The following SYT9 variants were observed in gnomAD, a reference collection of about 807,000 sequenced individuals.
SYT9 encodes the protein synaptotagmin 9.
A neutral mutation model predicts 48.4 loss-of-function variants in SYT9; 22 were observed. The ratio of observed to expected loss-of-function variants is 0.45; its 90% CI spans 0.32 to 0.65. The LOEUF is 0.65. SYT9 is among the 30% of genes least tolerant of loss of function. SYT9 has a pLI of 0.03. For missense variants in SYT9, 577 were observed against 622.0 expected (o/e 0.93, Z 0.77); for synonymous variants, 265 against 245.0 (o/e 1.08, Z -0.76).
At chr11:7,355,164 C>G (rs1280210548) in intron 3 of SYT9, among the ~76,000 whole-genome samples, 2 of 152,196 alleles carry the variant, frequency 1.3e-5, no homozygotes, top group Non-Finnish European at 2.9e-5. Context: ...CTGAAAAAGG[C>G]AGAATGCTCT....
At chr11:7,324,768 T>A (rs780683257) in intron 3 of SYT9, among the ~76,000 whole-genome samples, 3 of 151,996 alleles carry the variant, frequency 2.0e-5, no homozygotes, top group Non-Finnish European at 2.9e-5. Context: ...TTATAGATTA[T>A]TTGATATCTG....
chr11:7,398,984 C>G (rs1846821226), intron 3 of SYT9, among the ~76,000 whole-genome samples: 1 of 152,098 alleles, frequency 6.6e-6, no homozygotes, highest in South Asian at 2.1e-4. Flanking sequence ...CCATGATGCT[C>G]CATATAGGGC....
At chr11:7,296,759 G>A (rs1158040294) in intron 1 of SYT9, among the ~76,000 whole-genome samples, 1 of 152,128 alleles carries the variant, frequency 6.6e-6, no homozygotes, top group Non-Finnish European at 1.5e-5. Flanking sequence ...ATATTGATGA[G>A]GTAATTGTGG....
Position 7,466,989 on chromosome 11 carries a change from T to A in SYT9, c.*189T>A. On this transcript the variant is annotated 3_prime_UTR_variant, in exon 7 of 7. Coordinates refer to ENST00000318881, the MANE Select transcript of SYT9 (RefSeq NM_175733.4). Reference sequence around the variant, plus strand: ...GAACCTGAATGGTCCAGCCACCTTCTGCAGGTGGCCCAAGGTGATGTGCTG... The same window carrying A: ...GAACCTGAATGGTCCAGCCACCTTCAGCAGGTGGCCCAAGGTGATGTGCTG... 1 of 660,062 alleles carries A rather than the reference T, an allele frequency of 1.5e-6. No individual in the cohort carries two copies. Among genetic ancestry groups the A allele is most frequent in the Non-Finnish European group, 2.6e-6 (1 of 379,626 alleles). The allele number at this position is 660,062 out of a possible 1,614,324, so 40.9% of individuals were successfully genotyped here.
intron 1 of SYT9, among the ~76,000 whole-genome samples, chr11:7,243,150 G>A (rs554797272): frequency 6.6e-6 from 1 of 152,026 alleles, no homozygotes; most frequent in African/African-American, 2.4e-5. Flanking sequence ...TATATATAGA[G>A]AAAAAATATT....
Position 7,252,196 on chromosome 11 carries a change from G to A in SYT9, c.10G>A (p.Ala4Thr), listed in dbSNP as rs747985314. MPG[A>T]RDALCHQALQ... Reference sequence around the variant, plus strand: ...AGGATGCGGGGGGGCGATGCCCGGGGCCAGGGACGCGCTCTGTCACCAGGC... The same window carrying A: ...AGGATGCGGGGGGGCGATGCCCGGGACCAGGGACGCGCTCTGTCACCAGGC... The change falls in exon 1 of 7, where the codon GCC becomes ACC. Residue 4 changes from alanine (A) to threonine (T), a missense_variant. Transcript: ENST00000318881. The surrounding 1 kb of genome is among the most constrained non-coding windows in gnomAD (Gnocchi z 6.3). 73 of 1,462,026 alleles carry A rather than the reference G, an allele frequency of 5.0e-5. No individual in the cohort carries two copies. Among genetic ancestry groups the A allele is most frequent in the African/African-American group, 8.8e-5 (6 of 67,864 alleles). The allele number at this position is 1,462,026 out of a possible 1,614,324, so 90.6% of individuals were successfully genotyped here. A position where few individuals can be genotyped will look rare whatever the true frequency, so the allele number is the denominator to read the frequency against.
intron 1 of SYT9, among the ~76,000 whole-genome samples, chr11:7,270,392 A>G (rs1001515406): frequency 1.3e-5 from 2 of 152,190 alleles, no homozygotes; most frequent in Non-Finnish European, 2.9e-5. Flanking sequence ...TGCCACAGTG[A>G]GAATCGTTTG....
chr11:7,284,252 CT>C (rs1487366713), intron 1 of SYT9, among the ~76,000 whole-genome samples: 1 of 152,086 alleles, frequency 6.6e-6, no homozygotes, highest in Admixed American at 6.6e-5. Flanking sequence ...TGACAGTATT[CT>C]TCTAGAAAGA....
At chr11:7,241,051 A>G (rs1375301768) in intron 1 of SYT9, among the ~76,000 whole-genome samples, 1 of 152,112 alleles carries the variant, frequency 6.6e-6, no homozygotes, top group Non-Finnish European at 1.5e-5. Context: ...GGAATAAAAC[A>G]TTTTAAAAGA....
At chr11:7,251,130 A>ACACACACACACACACC (rs909728944), upstream of SYT9, among the ~76,000 whole-genome samples, 9 of 127,230 alleles carry the variant, frequency 7.1e-5, no homozygotes, top group African/African-American at 2.4e-4. Flanking sequence ...ACACACACAC[A>ACACACACACACACACC]CACCCAGAGT....
intron 3 of SYT9, among the ~76,000 whole-genome samples, chr11:7,353,011 A>G (rs1365100693): frequency 2.6e-5 from 4 of 152,226 alleles, no homozygotes; most frequent in Non-Finnish European, 4.4e-5. Context: ...ACTTGTAAGT[A>G]AGTAAATATA....
intron 3 of SYT9, among the ~76,000 whole-genome samples, chr11:7,369,794 A>ACACACACACAC (rs1564879645): frequency 7.6e-5 from 11 of 143,982 alleles, no homozygotes; most frequent in African/African-American, 2.1e-4. Flanking sequence ...CACACACACA[A>ACACACACACAC]ACACACACAC....
intron 3 of SYT9, among the ~76,000 whole-genome samples, chr11:7,353,452 G>A (rs531995710): frequency 6.6e-6 from 1 of 152,294 alleles, no homozygotes; most frequent in South Asian, 2.1e-4. Context: ...ACCTTCCCAT[G>A]AACAGCTTTT....
At chr11:7,347,473 G>A (rs540155988) in intron 3 of SYT9, among the ~76,000 whole-genome samples, 5 of 152,186 alleles carry the variant, frequency 3.3e-5, no homozygotes, top group South Asian at 4.2e-4. Context: ...GACCTCAGGC[G>A]ATCCACCCAC....
At chr11:7,339,649 T>C (rs561624014) in intron 3 of SYT9, among the ~76,000 whole-genome samples, 1 of 151,850 alleles carries the variant, frequency 6.6e-6, no homozygotes, top group East Asian at 1.9e-4. Flanking sequence ...TGGTTGAAGA[T>C]TTTTTTTTCC....
chr11:7,381,022 A>T (rs1850552207), intron 3 of SYT9, among the ~76,000 whole-genome samples: 1 of 152,286 alleles, frequency 6.6e-6, no homozygotes, highest in African/African-American at 2.4e-5. Flanking sequence ...CCTTCTAAAC[A>T]ATTGATAAAA....
chr11:7,264,229 T>C (rs1002093969), intron 1 of SYT9, among the ~76,000 whole-genome samples: 4 of 152,012 alleles, frequency 2.6e-5, no homozygotes, highest in African/African-American at 9.7e-5. Flanking sequence ...GAGTTATAAA[T>C]GTTTAGGAGA....
At chr11:7,291,020 A>C (rs188734871) in intron 1 of SYT9, among the ~76,000 whole-genome samples, 20 of 151,824 alleles carry the variant, frequency 1.3e-4, no homozygotes, top group Non-Finnish European at 2.2e-4. Flanking sequence ...GAAAGAACCC[A>C]AAAAAAAGAG....
chr11:7,353,987 T>C (rs1400859622), intron 3 of SYT9, among the ~76,000 whole-genome samples: 1 of 152,188 alleles, frequency 6.6e-6, no homozygotes, highest in Admixed American at 6.5e-5. Context: ...TATACTACAA[T>C]TAGCAAATAT....
Sources: allele counts gnomAD v4.1 joint callset (sites outside exome capture counted in the v4.1 genomes callset), GRCh38; gene constraint gnomAD v4.1.1; non-coding constraint Gnocchi (gnomAD v3.1); transcripts MANE v1.5; gene names NCBI Gene and HGNC (gene_info 2026-07-23, HGNC 2026-07-21).